DZANK1: variants seen among roughly 807,000 people sequenced by gnomAD.
DZANK1 encodes double zinc ribbon and ankyrin repeat-containing protein 1.
In DZANK1, 91 loss-of-function variants were observed where a neutral mutation model predicts 94.5. The ratio of observed to expected loss-of-function variants is 0.96; its 90% CI spans 0.81 to 1.15. DZANK1 has a LOEUF of 1.15. Among genes scored for constraint, DZANK1 ranks in the 50% most tolerant of loss-of-function variants. The pLI is 0.00. For synonymous variants in DZANK1, 312 were observed against 325.3 expected, an observed-to-expected ratio of 0.96 and a Z score of 0.44; for missense variants, 903 against 916.4, an observed-to-expected ratio of 0.99 and a Z score of 0.19.
intron 19 of DZANK1, among the ~76,000 whole-genome samples, chr20:18,387,513 T>C (rs1332129504): frequency 6.6e-6 from 1 of 152,230 alleles, no homozygotes; most frequent in East Asian, 1.9e-4. Context: ...GATGCTTGCA[T>C]CTTCCTCACC....
chr20:18,434,176 A>T (rs1341837518), intron 8 of DZANK1, among the ~76,000 whole-genome samples: 1 of 144,384 alleles, frequency 6.9e-6, no homozygotes, highest in Non-Finnish European at 1.5e-5. Flanking sequence ...GAGAGATGTT[A>T]AAAAAAAAAA....
rs374232061 is a variant in DZANK1, at chr20:18,384,571, A to C, written c.2094-7T>G. ...TTGGATGCTTGCATTGCATCTGCAA[A>C]GGAAATGGAGAAACGGAGGTGCACT... On this transcript the variant is annotated splice_region_variant and splice_polypyrimidine_tract_variant and intron_variant, in intron 20 of 20. Transcript: ENST00000262547. 1 of 1,593,302 alleles carries C rather than the reference A, an allele frequency of 6.3e-7. No homozygotes were observed. The highest frequency in any genetic ancestry group is 8.6e-7 in the Non-Finnish European group (1 of 1,169,586).
intron 13 of DZANK1, among the ~76,000 whole-genome samples, chr20:18,412,339 C>T (rs935898699): frequency 2.6e-5 from 4 of 152,198 alleles, no homozygotes; most frequent in African/African-American, 9.6e-5. Context: ...GGGATAATGG[C>T]AGATAGCAAT....
chr20:18,452,616 T>C (rs752009435), exon 6 of DZANK1: 3 of 1,603,144 alleles, frequency 1.9e-6, no homozygotes, highest in Admixed American at 3.4e-5. Context: ...AGAAGTTACC[T>C]GGGACTGGCG....
chr20:18,436,316 C>A (rs1010068846), intron 8 of DZANK1, among the ~76,000 whole-genome samples: 1 of 150,618 alleles, frequency 6.6e-6, no homozygotes, highest in African/African-American at 2.4e-5. Context: ...CAGAGGCGGG[C>A]GCCTGTAGTC....
At chr20:18,415,373 C>A in exon 11 of DZANK1, 2 of 1,594,152 alleles carry the variant, frequency 1.3e-6, no homozygotes, top group East Asian at 2.3e-5. Context: ...GAGATTCCAG[C>A]GACCACATCT....
At chr20:18,438,562 G>T (rs1255149458) in intron 8 of DZANK1, among the ~76,000 whole-genome samples, 1 of 152,160 alleles carries the variant, frequency 6.6e-6, no homozygotes, top group Admixed American at 6.5e-5. Context: ...GAGAATAAAG[G>T]ACTTTAAGAA....
intron 6 of DZANK1, chr20:18,452,105 C>G (rs1223540433): frequency 5.8e-6 from 2 of 342,182 alleles, no homozygotes; most frequent in Non-Finnish European, 1.1e-5. Context: ...TCAAACCCCA[C>G]ATCAGACCAA....
At chr20:18,390,501 T>TATTC in intron 17 of DZANK1, 42 bp from the exon 18 acceptor site, 1 of 1,579,132 alleles carries the variant, frequency 6.3e-7, no homozygotes, top group Non-Finnish European at 8.7e-7. Context: ...CACTTCAAAA[T>TATTC]ATTCACTCAA....
intron 15 of DZANK1, among the ~76,000 whole-genome samples, chr20:18,395,434 A>G (rs945211475): frequency 2.0e-5 from 3 of 152,218 alleles, no homozygotes; most frequent in African/African-American, 7.2e-5. Context: ...TCTACTTGTG[A>G]GATAGCTAGC....
chr20:18,433,454 A>C, intron 9 of DZANK1, 198 bp downstream of exon 9: 1 of 528,008 alleles, frequency 1.9e-6, no homozygotes. Context: ...AGGCAGGAGA[A>C]TCACTTGAAC....
At chr20:18,384,081 T>C (rs6045374) in exon 21 of DZANK1, 31,222 of 177,498 alleles carry the variant, frequency 0.18, 3,806 homozygotes, top group African/African-American at 0.36. Flanking sequence ...TTTTTTGAGA[T>C]GGAGTTTTGC....
At chr20:18,405,062 G>A (rs2056890896) in intron 13 of DZANK1, among the ~76,000 whole-genome samples, 1 of 151,938 alleles carries the variant, frequency 6.6e-6, no homozygotes, top group African/African-American at 2.4e-5. Flanking sequence ...CAAGCATGAT[G>A]GTGTGCACCT....
Position 18,394,253 on chromosome 20 carries a change from C to T in DZANK1, c.1708+1G>A, listed in dbSNP as rs780018234. Reference sequence around the variant, plus strand: ...AAAATTGCCAGAAGGGAATAACTCACCCCAGCTGGACCTGCTGCCGCACAG... The same window carrying T: ...AAAATTGCCAGAAGGGAATAACTCATCCCAGCTGGACCTGCTGCCGCACAG... On this transcript the variant is annotated splice_donor_variant, in intron 16 of 20. Transcript: ENST00000262547. LOFTEE classifies it high-confidence loss of function. 2.4e-5 allele frequency: 39 copies of T among 1,612,626 alleles called. No homozygotes were observed. The highest frequency in any genetic ancestry group is 3.1e-5 in the Non-Finnish European group (37 of 1,179,438).
At chr20:18,453,851 C>A in intron 4 of DZANK1, 24 bp from the exon 5 acceptor site, 1 of 1,344,486 alleles carries the variant, frequency 7.4e-7, no homozygotes, top group Non-Finnish European at 1.1e-6. Flanking sequence ...GATTGCATAT[C>A]AATCACTTGG....
In DZANK1 at chr20:18,415,177, A is replaced by G. The variant is rs879085068; in HGVS notation, c.1077+150T>C. 1.3e-5 allele frequency: 10 copies of G among 769,950 alleles called. No individual in the cohort carries two copies. The South Asian group carries it at 6.3e-4, about 48-fold the overall frequency. 47.7% of individuals were successfully genotyped at this position (769,950 alleles called of 1,614,324 possible). ...GATGGCTCTCAGTGTAAGATAATTA[A>G]TTATCTCTATCTCCAGATTCTTAGG... On this transcript the variant is annotated intron_variant, in intron 11 of 20. Transcript: ENST00000262547.
intron 10 of DZANK1, among the ~76,000 whole-genome samples, chr20:18,418,060 T>TG (rs2057582964): frequency 6.6e-6 from 1 of 151,790 alleles, no homozygotes; most frequent in African/African-American, 2.4e-5. Flanking sequence ...TACTCCAGCC[T>TG]GGGCGACAGA....
intron 9 of DZANK1, among the ~76,000 whole-genome samples, chr20:18,429,315 G>A (rs756959311): frequency 6.6e-6 from 1 of 152,176 alleles, no homozygotes; most frequent in Non-Finnish European, 1.5e-5. Flanking sequence ...ACCTCACCTT[G>A]CAGGGCTCAT....
intron 9 of DZANK1, among the ~76,000 whole-genome samples, chr20:18,428,982 A>G (rs2058173898): frequency 6.6e-6 from 1 of 152,226 alleles, no homozygotes; most frequent in Non-Finnish European, 1.5e-5. Flanking sequence ...GCAAAGAATC[A>G]CACTCTTGCT....
Sources: allele counts gnomAD v4.1 joint callset (sites outside exome capture counted in the v4.1 genomes callset), GRCh38; gene constraint gnomAD v4.1.1; transcripts MANE v1.5; gene names NCBI Gene and HGNC (gene_info 2026-07-23, HGNC 2026-07-21).